Variants in MAEA observed in about 807,000 individuals in gnomAD.
MAEA encodes macrophage erythroblast attacher, E3 ubiquitin ligase.
A neutral mutation model predicts 46.2 loss-of-function variants in MAEA; 22 were observed. The ratio of observed to expected loss-of-function variants is 0.48; its 90% CI spans 0.34 to 0.68. MAEA has a LOEUF of 0.68. Ranked by LOEUF, MAEA falls within the 30% of genes least tolerant of loss-of-function variation. MAEA has a pLI of 0.01. For synonymous variants in MAEA, 246 were observed against 222.6 expected, an observed-to-expected ratio of 1.11 and a Z score of -0.94; for missense variants, 393 against 558.1, an observed-to-expected ratio of 0.70 and a Z score of 2.98.
At chr4:1,334,278 G>T (rs993774527) in intron 6 of MAEA, among the ~76,000 whole-genome samples, 38 of 151,040 alleles carry the variant, frequency 2.5e-4, no homozygotes, top group African/African-American at 9.0e-4. Flanking sequence ...ACCAGTCTCT[G>T]TCAGAGGCCG....
intron 8 of MAEA, 194 bp from the exon 9 acceptor site, chr4:1,338,880 G>A (rs536769959): frequency 2.0e-5 from 13 of 658,736 alleles, no homozygotes; most frequent in South Asian, 5.5e-5. Context: ...CCTTAGCTTC[G>A]TTCGAAATGG....
intron 6 of MAEA, chr4:1,334,844 T>G (rs527385599): frequency 2.0e-6 from 2 of 985,252 alleles, no homozygotes; most frequent in South Asian, 9.4e-5. Flanking sequence ...TTCTTCTCAG[T>G]GAGGACCTTC....
intron 2 of MAEA, among the ~76,000 whole-genome samples, chr4:1,314,148 C>T (rs1260975071): frequency 2.6e-5 from 4 of 151,900 alleles, no homozygotes; most frequent in Non-Finnish European, 5.9e-5. Flanking sequence ...GCCAACATGG[C>T]GAAACCCCGT....
chr4:1,323,091 C>T (rs1489937509), intron 4 of MAEA, among the ~76,000 whole-genome samples: 1 of 151,506 alleles, frequency 6.6e-6, no homozygotes, highest in Non-Finnish European at 1.5e-5. Context: ...GGATTATAGG[C>T]ATGCGCCACC....
chr4:1,339,533 C>T lies in MAEA; in HGVS notation c.*364C>T, dbSNP rs768714686. The T allele has an allele frequency of 4.8e-5, 13 of 272,150 alleles. No homozygotes were observed. Among genetic ancestry groups the T allele is most frequent in the East Asian group, 3.1e-4 (3 of 9,758 alleles). The allele number at this position is 272,150 out of a possible 1,614,324, so 16.9% of individuals were successfully genotyped here. On this transcript the variant is annotated 3_prime_UTR_variant, in exon 9 of 9. Transcript: ENST00000303400. ...TTTTCAGTTTCTTTCCTTCTGTGAA[C>T]GATGAGACTTGGAGAACGGGCTGGT...
rs757657029 is a variant in MAEA at position 1,315,447 on chromosome 4, C to T, written c.303C>T (p.Arg101=). 14 of 1,613,784 alleles carry T rather than the reference C, an allele frequency of 8.7e-6. No homozygotes were observed. In the African/African-American group the frequency reaches 1.6e-4, roughly 18 times the overall value. ...ACGAGAGCGCCAAGCTGTGCAAGCGCCGGATCGAGCACCTCAAAGAGCATA... is the reference window on the plus strand; with the variant it reads ...ACGAGAGCGCCAAGCTGTGCAAGCGTCGGATCGAGCACCTCAAAGAGCATA... The part of the protein sequence containing the change: ...AEDESAKLCK[R]RIEHLKEHSS... Residue 101 remains arginine (R), a synonymous_variant, in exon 3 of 9, where the codon CGC becomes CGT. Coordinates refer to ENST00000303400, the MANE Select transcript of MAEA (RefSeq NM_001017405.3).
chr4:1,326,505 C>T (rs1738838164), intron 4 of MAEA, among the ~76,000 whole-genome samples: 1 of 152,184 alleles, frequency 6.6e-6, no homozygotes, highest in South Asian at 2.1e-4. Context: ...CCACAAGTCT[C>T]GGCCCACGTT....
At chr4:1,291,002 G>GC (rs1734052571) in intron 1 of MAEA, among the ~76,000 whole-genome samples, 1 of 151,708 alleles carries the variant, frequency 6.6e-6, no homozygotes, top group Admixed American at 6.7e-5. Flanking sequence ...TGTCACCTCA[G>GC]GGTGAAATGA....
At chr4:1,317,059 A>C in intron 3 of MAEA, among the ~76,000 whole-genome samples, 1 of 94,978 alleles carries the variant, frequency 1.1e-5, no homozygotes, top group African/African-American at 4.0e-5. Flanking sequence ...CACACTCCAG[A>C]CTCACCCCCA....
At chr4:1,315,674 C>G (rs554990538) in intron 3 of MAEA, 74 bp downstream of exon 3, 3 of 1,460,790 alleles carry the variant, frequency 2.1e-6, no homozygotes, top group African/African-American at 2.8e-5. Flanking sequence ...TGTGGCATGT[C>G]CCCCGGCATG....
chr4:1,337,204 A>G, intron 7 of MAEA: 2 of 586,634 alleles, frequency 3.4e-6, no homozygotes, highest in Non-Finnish European at 5.9e-6. Context: ...CACTCTGGGA[A>G]GTGGCGCGCT....
chr4:1,297,244 G>T (rs1487803964), intron 1 of MAEA, among the ~76,000 whole-genome samples: 1 of 152,272 alleles, frequency 6.6e-6, no homozygotes, highest in African/African-American at 2.4e-5. Flanking sequence ...CTCGATTTCT[G>T]TTTCTCACGT....
chr4:1,298,675 T>C (rs1560328902), intron 1 of MAEA, among the ~76,000 whole-genome samples: 2 of 151,966 alleles, frequency 1.3e-5, no homozygotes, highest in African/African-American at 4.8e-5. Flanking sequence ...TCCTCGCGTT[T>C]CCCCCCGGGC....
intron 3 of MAEA, among the ~76,000 whole-genome samples, chr4:1,317,347 T>C (rs1440676160): frequency 4.3e-5 from 5 of 117,226 alleles, no homozygotes; most frequent in Non-Finnish European, 6.9e-5. Flanking sequence ...TGGACTCATC[T>C]GCAGGCCCCA....
At chr4:1,338,886 AATGG>A (rs1713167694) in intron 8 of MAEA, 184 bp from the exon 9 acceptor site, 1 of 661,166 alleles carries the variant, frequency 1.5e-6, no homozygotes, top group Non-Finnish European at 2.6e-6. Flanking sequence ...CTTCGTTCGA[AATGG>A]ATGAAGGGGT....
intron 1 of MAEA, among the ~76,000 whole-genome samples, chr4:1,302,460 A>G (rs1466372983): frequency 1.3e-5 from 2 of 152,264 alleles, no homozygotes; most frequent in South Asian, 2.1e-4. Flanking sequence ...CTTCTAGTTC[A>G]TTAATACAAA....
chr4:1,293,349 C>T (rs1734303912), intron 1 of MAEA, among the ~76,000 whole-genome samples: 1 of 152,088 alleles, frequency 6.6e-6, no homozygotes, highest in Non-Finnish European at 1.5e-5. Context: ...CGAGATTGCA[C>T]CACTGCCCTC....
chr4:1,327,574 C>G, intron 4 of MAEA, 53 bp from the exon 5 acceptor site: 1 of 1,373,470 alleles, frequency 7.3e-7, no homozygotes, highest in Non-Finnish European at 1.0e-6. Context: ...CACCCGGGCA[C>G]CTGGGCTCTG....
intron 4 of MAEA, among the ~76,000 whole-genome samples, chr4:1,322,943 CTTTTTTTTTTTTTTTT>C (rs60692981): frequency 5.3e-5 from 4 of 75,246 alleles, no homozygotes; most frequent in Non-Finnish European, 9.5e-5. Flanking sequence ...TGAATACCCA[CTTTTTTTTTTTTTTTT>C]TTTTTTTTTT....
Sources: allele counts gnomAD v4.1 joint callset (sites outside exome capture counted in the v4.1 genomes callset), GRCh38; gene constraint gnomAD v4.1.1; transcripts MANE v1.5; gene names NCBI Gene and HGNC (gene_info 2026-07-23, HGNC 2026-07-21).